ARL13B: variants seen among roughly 807,000 people sequenced by gnomAD.
The protein encoded by ARL13B is ARF like GTPase 13B, also known as ADP-ribosylation factor-like protein 13B.
A neutral mutation model predicts 56.1 loss-of-function variants in ARL13B; 36 were observed. That is an observed-to-expected ratio of 0.64 (90% CI 0.49 to 0.85). The LOEUF (loss-of-function observed/expected upper bound fraction) is 0.85, where lower values mean the gene tolerates loss of function less well. Ranked by LOEUF, ARL13B falls within the 40% of genes least tolerant of loss-of-function variation. The pLI, the probability that ARL13B is intolerant of heterozygous loss-of-function variation, is 0.00. For synonymous variants in ARL13B, 178 were observed against 171.1 expected (o/e 1.04, Z -0.32); for missense variants, 519 against 507.1 (o/e 1.02, Z -0.23).
At chr3:93,985,005 G>GAC (rs1710379268) in intron 1 of ARL13B, among the ~76,000 whole-genome samples, 1 of 135,894 alleles carries the variant, frequency 7.4e-6, no homozygotes, top group Non-Finnish European at 1.6e-5. Flanking sequence ...GTGAAACCCT[G>GAC]TCTCAATCAA....
At chr3:94,029,644 CA>C (rs1336404513) in intron 3 of ARL13B, among the ~76,000 whole-genome samples, 2 of 151,862 alleles carry the variant, frequency 1.3e-5, no homozygotes, top group African/African-American at 2.4e-5. Context: ...CCCGGCCAAT[CA>C]CATTTATATT....
chr3:94,012,849 C>A (rs1232508862), intron 3 of ARL13B, among the ~76,000 whole-genome samples: 1 of 152,124 alleles, frequency 6.6e-6, no homozygotes, highest in Non-Finnish European at 1.5e-5. Context: ...TCACCTCTCC[C>A]AAATCCATTC....
intron 3 of ARL13B, among the ~76,000 whole-genome samples, chr3:94,030,834 A>G (rs2076664316): frequency 6.6e-6 from 1 of 152,134 alleles, no homozygotes; most frequent in Non-Finnish European, 1.5e-5. Context: ...GATAAAACAA[A>G]TAATGTCATT....
chr3:94,014,169 AT>A (rs373387585), intron 3 of ARL13B, among the ~76,000 whole-genome samples: 2 of 152,094 alleles, frequency 1.3e-5, no homozygotes, highest in African/African-American at 4.8e-5. Context: ...TGGTAACTGT[AT>A]TTTTTTGTAC....
At chr3:94,034,584 T>A (rs2076735016) in intron 3 of ARL13B, among the ~76,000 whole-genome samples, 1 of 152,082 alleles carries the variant, frequency 6.6e-6, no homozygotes, top group African/African-American at 2.4e-5. Flanking sequence ...AATTGCACAT[T>A]TATGTGGACA....
chr3:94,000,059 A>G (rs1014808148), intron 2 of ARL13B, among the ~76,000 whole-genome samples: 1 of 151,968 alleles, frequency 6.6e-6, no homozygotes, highest in Non-Finnish European at 1.5e-5. Context: ...TTAGGAGCTG[A>G]ACCAAAAGCT....
chr3:94,035,958 G>T (rs1486691226), intron 4 of ARL13B, among the ~76,000 whole-genome samples: 1 of 152,032 alleles, frequency 6.6e-6, no homozygotes, highest in East Asian at 1.9e-4. Flanking sequence ...TGTAGTCCCA[G>T]CTGCTTGAGG....
chr3:94,018,867 G>A (rs1443761492), intron 3 of ARL13B, among the ~76,000 whole-genome samples: 1 of 152,062 alleles, frequency 6.6e-6, no homozygotes, highest in Non-Finnish European at 1.5e-5. Context: ...CCGGGTTCAA[G>A]CAATTCTCCT....
intron 6 of ARL13B, among the ~76,000 whole-genome samples, chr3:94,042,751 C>T (rs1035743519): frequency 5.9e-5 from 9 of 151,908 alleles, no homozygotes; most frequent in Non-Finnish European, 8.8e-5. Flanking sequence ...AGATTATATA[C>T]GGAATAATAC....
At chr3:94,016,690 C>A (rs573914004) in intron 3 of ARL13B, among the ~76,000 whole-genome samples, 113 of 151,106 alleles carry the variant, frequency 7.5e-4, no homozygotes, top group African/African-American at 2.7e-3. Flanking sequence ...TCTGATGCCC[C>A]GGCTGGCATG....
At chr3:93,980,726 AGTGTGTGTGT>A (rs35756044) in intron 1 of ARL13B, among the ~76,000 whole-genome samples, 45 of 147,064 alleles carry the variant, frequency 3.1e-4, no homozygotes, top group African/African-American at 5.5e-4. Flanking sequence ...TTTGTTAAAA[AGTGTGTGTGT>A]GTGTGTGTGT....
At chr3:93,980,630 G>A (rs1168703731) in intron 1 of ARL13B, 148 bp downstream of exon 1, 2 of 958,480 alleles carry the variant, frequency 2.1e-6, no homozygotes, top group African/African-American at 1.6e-5. Context: ...GGGAGGGAGA[G>A]ATTGGAGGAT....
At chr3:94,015,130 G>C in intron 3 of ARL13B, 1 of 1,613,938 alleles carries the variant, frequency 6.2e-7, no homozygotes, top group Non-Finnish European at 8.5e-7. Flanking sequence ...GTGTCTCTCA[G>C]CTACAGGCTC....
chr3:94,043,305 T>G, intron 7 of ARL13B, 65 bp downstream of exon 7: 1 of 1,367,052 alleles, frequency 7.3e-7, no homozygotes, highest in Non-Finnish European at 1.0e-6. Context: ...ATACTTCATC[T>G]CATTTTTTAT....
chr3:94,004,277 TAA>T (rs907173858), intron 3 of ARL13B, among the ~76,000 whole-genome samples: 6 of 152,160 alleles, frequency 3.9e-5, no homozygotes, highest in Non-Finnish European at 7.4e-5. Context: ...CTTTTTTCCT[TAA>T]AGAGTTATTA....
At chr3:93,981,275 C>T (rs1710201088) in intron 1 of ARL13B, among the ~76,000 whole-genome samples, 1 of 152,072 alleles carries the variant, frequency 6.6e-6, no homozygotes, top group African/African-American at 2.4e-5. Flanking sequence ...TGAGGCCTAA[C>T]CTATAAAGAG....
At position 94,053,312 on chromosome 3, in the gene ARL13B, C is replaced by T; in HGVS notation, c.*49C>T. Reference sequence around the variant, plus strand: ...TTAATATCAGCAAGGTGAACTGGGACATTCTTCTTTCTCAGAAGAAGAAAC... The same window carrying T: ...TTAATATCAGCAAGGTGAACTGGGATATTCTTCTTTCTCAGAAGAAGAAAC... On this transcript the variant is annotated 3_prime_UTR_variant, in exon 10 of 10. Coordinates refer to ENST00000394222, the MANE Select transcript of ARL13B (RefSeq NM_001174150.2). 1 of 1,498,330 alleles carries T rather than the reference C, an allele frequency of 6.7e-7. No individual in the cohort carries two copies. Among genetic ancestry groups the T allele is most frequent in the East Asian group, 2.3e-5 (1 of 44,302 alleles). 92.8% of individuals were successfully genotyped at this position (1,498,330 alleles called of 1,614,324 possible).
intron 7 of ARL13B, among the ~76,000 whole-genome samples, chr3:94,043,544 T>TCCC (rs1286219210): frequency 7.2e-3 from 2 of 278 alleles, no homozygotes; most frequent in Non-Finnish European, 0.013. Context: ...GCCCTCCCCC[T>TCCC]CCTCCCCCTC....
chr3:93,980,219 C>G lies in ARL13B; in HGVS notation c.-205C>G. The G allele has an allele frequency of 1.4e-6, 1 of 716,130 alleles. No individual in the cohort carries two copies. The allele number at this position is 716,130 out of a possible 1,614,324, so 44.4% of individuals were successfully genotyped here. ...TATCTGCGTCTTTGGTCAGGTTGTT[C>G]CTTGGCTAAGAGGGCAGTCGTCGCG... On this transcript the variant is annotated 5_prime_UTR_variant, in exon 1 of 10. Coordinates refer to ENST00000394222, the MANE Select transcript of ARL13B (RefSeq NM_001174150.2).
Sources: allele counts gnomAD v4.1 joint callset (sites outside exome capture counted in the v4.1 genomes callset), GRCh38; gene constraint gnomAD v4.1.1; transcripts MANE v1.5; gene names NCBI Gene and HGNC (gene_info 2026-07-23, HGNC 2026-07-21).